TMEM87A: variants seen among roughly 807,000 people sequenced by gnomAD.
The protein encoded by TMEM87A is transmembrane protein 87A, also known as Golgi-pH regulating cation channel.
A neutral mutation model predicts 90.0 loss-of-function variants in TMEM87A; 50 were observed. The observed-to-expected ratio is 0.56, with a 90% CI of 0.44 to 0.70. The LOEUF (loss-of-function observed/expected upper bound fraction) is 0.70, where lower values mean the gene tolerates loss of function less well. Among genes scored for constraint, TMEM87A ranks in the 30% least tolerant of loss-of-function variants. The pLI is 0.00. For missense variants in TMEM87A, 577 were observed against 660.5 expected, an observed-to-expected ratio of 0.87 and a Z score of 1.39; for synonymous variants, 226 against 226.7, an observed-to-expected ratio of 1.00 and a Z score of 0.03.
chr15:42,218,401 C>G, intron 17 of TMEM87A, 23 bp from the exon 18 acceptor site: 1 of 1,611,760 alleles, frequency 6.2e-7, no homozygotes, highest in Non-Finnish European at 8.5e-7. Flanking sequence ...AAATACCACT[C>G]ATTACTAAAA....
rs760294431 is a variant in TMEM87A at position 42,220,107 on chromosome 15, C to G, written c.1432G>C (p.Glu478Gln). ...GGCTCCTTTTGTTCATCCTCCTCCT[C>G]TTCCTCAGACAATGGTGAAAAGGCA... ...RFAFSPLSEEEEEDEQKEPML... is the reference protein window; with the variant it reads ...RFAFSPLSEEQEEDEQKEPML... The change falls in exon 16 of 20, where the codon GAG (glutamate) becomes CAG (glutamine). Residue 478 changes from glutamate (E) to glutamine (Q), a missense_variant. By Grantham distance (29) the Glu-to-Gln change is conservative. Transcript: ENST00000389834. The G allele has an allele frequency of 1.9e-6, 3 of 1,607,850 alleles. No individual in the cohort carries two copies. The highest frequency in any genetic ancestry group is 2.5e-6 in the Non-Finnish European group (3 of 1,178,198).
intron 15 of TMEM87A, among the ~76,000 whole-genome samples, chr15:42,223,269 G>A (rs1009880220): frequency 5.9e-5 from 9 of 152,074 alleles, no homozygotes; most frequent in Admixed American, 3.9e-4. Context: ...GGTGCACACC[G>A]GTGGTCCCAG....
Position 42,237,583 on chromosome 15 carries a change from C to G in TMEM87A, c.717G>C (p.Leu239=), listed in dbSNP as rs774740618. Residue 239 remains leucine (L), a synonymous_variant, in exon 9 of 20, where the codon CTG becomes CTC. Coordinates refer to ENST00000389834, the MANE Select transcript of TMEM87A (RefSeq NM_015497.5). ...FFMVMCIVYV[L]FGVLWLAWSA... ...ACCATGCCAGCCACAGAACACCAAA[C>G]AGGACATATACAATACACATCACCA... is the stretch of plus-strand genomic sequence containing the variant. 2 of 1,613,896 alleles carry G rather than the reference C, an allele frequency of 1.2e-6. No homozygotes were observed. Among genetic ancestry groups the G allele is most frequent in the East Asian group, 2.2e-5 (1 of 44,860 alleles).
intron 19 of TMEM87A, among the ~76,000 whole-genome samples, chr15:42,212,329 T>A (rs1472378539): frequency 6.6e-6 from 1 of 152,234 alleles, no homozygotes; most frequent in Non-Finnish European, 1.5e-5. Context: ...AATTTTCATT[T>A]TTCTTTTGCT....
At position 42,226,063 on chromosome 15, in the gene TMEM87A, G is replaced by A. The variant is rs116037072; in HGVS notation, c.1403+743C>T. 4.9e-3 allele frequency among the ~76,000 whole-genome samples: 752 copies of A among 151,926 alleles called. 9 individuals are homozygous for A. The highest frequency in any genetic ancestry group is 0.018 in the African/African-American group (735 of 41,414). Reference sequence around the variant, plus strand: ...TGTCACCTATGCTGTGCAGTGGCATGATCTCGGCTCAGTGCAACCTCTGCC... The same window carrying A: ...TGTCACCTATGCTGTGCAGTGGCATAATCTCGGCTCAGTGCAACCTCTGCC... On this transcript the variant is annotated intron_variant, in intron 15 of 19. Transcript: ENST00000389834.
rs1391758175 is a variant in TMEM87A at position 42,259,128 on chromosome 15, G to C, written c.504+1830C>G. 3 of 627,726 alleles carry C rather than the reference G, an allele frequency of 4.8e-6. No homozygotes were observed. In the South Asian group the frequency reaches 5.9e-5, roughly 12 times the overall value. 38.9% of individuals were successfully genotyped at this position (627,726 alleles called of 1,614,324 possible). ...AGCTTAGCAGCCACTAGGCAAAGGGGGTAGGGGAAGCAAACACAGAGTTTC... is the reference window on the plus strand; with the variant it reads ...AGCTTAGCAGCCACTAGGCAAAGGGCGTAGGGGAAGCAAACACAGAGTTTC... On this transcript the variant is annotated intron_variant, in intron 6 of 19. Coordinates refer to ENST00000389834, the MANE Select transcript of TMEM87A (RefSeq NM_015497.5).
intron 7 of TMEM87A, among the ~76,000 whole-genome samples, chr15:42,242,926 C>T (rs1011662860): frequency 6.6e-6 from 1 of 152,030 alleles, no homozygotes; most frequent in Non-Finnish European, 1.5e-5. Context: ...AGCGAAGTAA[C>T]GGTGGCTGCC....
upstream of TMEM87A, chr15:42,273,517 T>C: frequency 2.0e-6 from 3 of 1,493,642 alleles, no homozygotes; most frequent in Non-Finnish European, 2.7e-6. Flanking sequence ...GCGGAGCTTG[T>C]TTGCTGTGCG....
rs141135222 is a variant in TMEM87A at position 42,229,367 on chromosome 15, C to CA, written c.1132-548dup. Among the ~76,000 whole-genome samples the CA allele has an allele frequency of 4.1e-3, 604 of 147,506 alleles. 5 individuals carry two copies. Among genetic ancestry groups the CA allele is most frequent in the African/African-American group, 0.014 (565 of 39,888 alleles). The stretch of plus-strand genomic sequence containing the variant: ...AGAACCAGAATAAAGTAAGAATGTA[C>CA]AAAATCACAAGAGAAAAAATATAAA... On this transcript the variant is annotated intron_variant, in intron 12 of 19. Coordinates refer to ENST00000389834, the MANE Select transcript of TMEM87A (RefSeq NM_015497.5).
chr15:42,222,098 T>C (rs1308392131), intron 15 of TMEM87A, among the ~76,000 whole-genome samples: 1 of 152,160 alleles, frequency 6.6e-6, no homozygotes, highest in Non-Finnish European at 1.5e-5. Flanking sequence ...GTTTCACTCG[T>C]TGTCCAGACT....
At chr15:42,248,144 CT>C (rs1446775432) in intron 6 of TMEM87A, among the ~76,000 whole-genome samples, 1 of 152,188 alleles carries the variant, frequency 6.6e-6, no homozygotes, top group Admixed American at 6.5e-5. Flanking sequence ...TATCCTGAGA[CT>C]TTGCTGAAGT....
At chr15:42,239,956 T>C (rs140132251) in intron 7 of TMEM87A, among the ~76,000 whole-genome samples, 62 of 152,286 alleles carry the variant, frequency 4.1e-4, no homozygotes, top group African/African-American at 7.0e-4. Flanking sequence ...GCCTCCACCA[T>C]AGTCTGAAGT....
At chr15:42,262,620 T>C in intron 4 of TMEM87A, among the ~76,000 whole-genome samples, 1 of 152,106 alleles carries the variant, frequency 6.6e-6, no homozygotes, top group Non-Finnish European at 1.5e-5. Flanking sequence ...TTTCACCATG[T>C]TGGCCAGGCT....
chr15:42,270,009 A>C (rs983328252), intron 2 of TMEM87A, among the ~76,000 whole-genome samples: 14 of 151,786 alleles, frequency 9.2e-5, no homozygotes, highest in Non-Finnish European at 1.2e-4. Context: ...ATCCCCCAAA[A>C]AGTACAAAAT....
chr15:42,246,357 A>G (rs577094663), intron 6 of TMEM87A, among the ~76,000 whole-genome samples: 8 of 152,322 alleles, frequency 5.3e-5, no homozygotes, highest in African/African-American at 1.4e-4. Context: ...CAGGTTTGTT[A>G]CATAGGTATA....
intron 6 of TMEM87A, among the ~76,000 whole-genome samples, chr15:42,250,308 TATG>T (rs2051060416): frequency 6.6e-6 from 1 of 152,242 alleles, no homozygotes; most frequent in Non-Finnish European, 1.5e-5. Flanking sequence ...ATCCTGTCAT[TATG>T]ATACTAGTGG....
At chr15:42,213,696 G>C (rs375393753) in intron 19 of TMEM87A, among the ~76,000 whole-genome samples, 2 of 152,196 alleles carry the variant, frequency 1.3e-5, no homozygotes, top group South Asian at 2.1e-4. Flanking sequence ...GTCCAGAAAA[G>C]ACATAATACA....
Position 42,239,645 on chromosome 15 carries a change from G to A in TMEM87A, c.684+25C>T, listed in dbSNP as rs949214062. On this transcript the variant is annotated intron_variant, in intron 8 of 19. Transcript: ENST00000389834. The stretch of plus-strand genomic sequence containing the variant: ...TGAACCCAAAACCATCCAATACTGA[G>A]GTTAAATAATATAAAGTCACTTACA... 33 of 1,595,396 alleles carry A rather than the reference G, an allele frequency of 2.1e-5. 1 individual carries two copies. Among genetic ancestry groups the A allele is most frequent in the South Asian group, 3.3e-5 (3 of 90,684 alleles).
At chr15:42,264,683 G>GTGTA (rs1449477404) in intron 3 of TMEM87A, among the ~76,000 whole-genome samples, 1 of 116,368 alleles carries the variant, frequency 8.6e-6, no homozygotes, top group African/African-American at 3.0e-5. Context: ...ATATGTGTGT[G>GTGTA]TATATATATA....
Sources: gnomAD v4.1 joint callset for allele counts (sites outside exome capture counted in the v4.1 genomes callset) on GRCh38, gnomAD v4.1.1 for gene constraint, MANE v1.5 for transcripts, NCBI Gene and HGNC (gene_info 2026-07-23, HGNC 2026-07-21) for gene names.